Variants in TKTL1 observed in about 807,000 individuals in gnomAD.
TKTL1 encodes the protein transketolase like 1, also known as transketolase-like protein 1.
Under a neutral mutation model 39.3 loss-of-function variants are expected in TKTL1, and 1 was observed. That is an observed-to-expected ratio of 0.03 (90% CI 0.01 to 0.12). The LOEUF (loss-of-function observed/expected upper bound fraction) is 0.12, where lower values mean the gene tolerates loss of function less well. TKTL1 is among the 10% of genes least tolerant of loss of function. TKTL1 has a pLI of 1.00. For missense variants in TKTL1, 575 were observed against 509.6 expected (o/e 1.13, Z -1.24); for synonymous variants, 262 against 193.8 (o/e 1.35, Z -2.92).
intron 1 of TKTL1, among the ~76,000 whole-genome samples, chrX:154,304,212 A>G (rs1385807513): frequency 9.0e-6 from 1 of 111,127 alleles, no homozygotes; most frequent in Non-Finnish European, 1.9e-5. Flanking sequence ...GAGCCAGGAA[A>G]GAGCTTAGTG....
Position 154,315,427 on chromosome X carries a change from A to AT in TKTL1, c.1029+91dup. On this transcript the variant is annotated intron_variant, in intron 7 of 12. Transcript: ENST00000369915. ...CCTGTGCTAGTTTTTCTTTCCATTT[A>AT]TGAAAGCAAAAGGACTGGAAAAAAA... 3.0e-6 allele frequency: 3 copies of AT among 987,658 alleles called. No homozygotes were observed. In the East Asian group the frequency reaches 9.4e-5, roughly 31 times the overall value. The allele number at this position is 987,658 out of a possible 1,213,427, so 81.4% of individuals were successfully genotyped here.
chrX:154,300,697 G>GTGTT (rs782774431), intron 1 of TKTL1, among the ~76,000 whole-genome samples: 2 of 110,372 alleles, frequency 1.8e-5, no homozygotes, highest in Non-Finnish European at 3.8e-5. Flanking sequence ...TTGTTTGTTT[G>GTGTT]TGTTTGTTTG....
rs782405084 is a variant in TKTL1 at position 154,325,436 on chromosome X, C to T, written c.1401+14C>T. 39 of 1,176,948 alleles carry T rather than the reference C, an allele frequency of 3.3e-5. No individual in the cohort carries two copies. The highest frequency in any genetic ancestry group is 3.7e-5 in the Non-Finnish European group (32 of 865,164). Reference sequence around the variant, plus strand: ...GGACAGGCCAAGGTAAGGGCTTACGCGCTCCTGCGTTATTCAGTATCATCT... The same window carrying T: ...GGACAGGCCAAGGTAAGGGCTTACGTGCTCCTGCGTTATTCAGTATCATCT... On this transcript the variant is annotated intron_variant, in intron 10 of 12. Transcript: ENST00000369915.
At chrX:154,325,264 C>T in intron 9 of TKTL1, 75 bp from the exon 10 acceptor site, 1 of 995,709 alleles carries the variant, frequency 1.0e-6, no homozygotes, top group Admixed American at 2.2e-5. Context: ...CACACCCCTC[C>T]TTCACTTCTT....
rs180757008 is a variant in TKTL1, at chrX:154,307,875, C to G, written c.253-1470C>G. Among the ~76,000 whole-genome samples, 551 of 111,928 alleles carry G rather than the reference C, an allele frequency of 4.9e-3. 3 individuals carry two copies. The highest frequency in any genetic ancestry group is 8.0e-3 in the Non-Finnish European group (423 of 53,125). The stretch of plus-strand genomic sequence containing the variant: ...GAGACTTGAGTTGAGTGGGGCAGTT[C>G]TGCTGGGCTGGAAATGCAGAACCAA... On this transcript the variant is annotated intron_variant, in intron 2 of 12. Coordinates refer to ENST00000369915, the MANE Select transcript of TKTL1 (RefSeq NM_012253.4).
At position 154,312,687 on chromosome X, in the gene TKTL1, C is replaced by T; in HGVS notation, c.778C>T (p.Pro260Ser). Residue 260 changes from proline to serine, a missense_variant, in exon 6 of 13, where the codon CCA becomes TCA. Transcript: ENST00000369915. ...GATACAGACCAGCAGGAATCTTGAC[C>T]CACAGCCCCCCATTGAGGACTCACC... ...SQIQTSRNLD[P>S]QPPIEDSPEV... is the part of the protein sequence containing the mutation. The T allele has an allele frequency of 8.3e-7, 1 of 1,211,153 alleles. No individual in the cohort carries two copies. The highest frequency in any genetic ancestry group is 1.1e-6 in the Non-Finnish European group (1 of 895,201).
chrX:154,317,877 G>GGGC (rs1245828728), intron 7 of TKTL1, among the ~76,000 whole-genome samples: 3 of 110,399 alleles, frequency 2.7e-5, no homozygotes, highest in Non-Finnish European at 5.7e-5. Context: ...GTGGACTGGA[G>GGGC]GGCACCATCA....
chrX:154,302,383 A>T (rs1308799214), intron 1 of TKTL1, among the ~76,000 whole-genome samples: 2 of 111,568 alleles, frequency 1.8e-5, no homozygotes, highest in Non-Finnish European at 3.8e-5. Context: ...TAAACAGCAG[A>T]TATTCGTCTC....
chrX:154,323,163 A>G, intron 8 of TKTL1, 44 bp from the exon 9 acceptor site: 2 of 1,196,286 alleles, frequency 1.7e-6, no homozygotes, highest in African/African-American at 1.7e-5. Flanking sequence ...GCAGGTTCCT[A>G]ATGGGGTTAT....
chrX:154,305,527 T>C, intron 2 of TKTL1, 106 bp downstream of exon 2: 1 of 980,951 alleles, frequency 1.0e-6, no homozygotes, highest in Admixed American at 2.7e-5. Context: ...GTTTATTATT[T>C]TGGTTCTTCT....
At chrX:154,327,724 G>T in intron 11 of TKTL1, 37 bp downstream of exon 11, 3 of 1,197,718 alleles carry the variant, frequency 2.5e-6, no homozygotes, top group South Asian at 3.5e-5. Flanking sequence ...AGTTCAAGCT[G>T]GGAAGAGGTA....
At chrX:154,312,500 C>T (rs1379316512) in intron 5 of TKTL1, 80 bp from the exon 6 acceptor site, 16 of 997,057 alleles carry the variant, frequency 1.6e-5, no homozygotes, top group African/African-American at 1.5e-4. Flanking sequence ...TCTTTTTCAT[C>T]GGGGTCTGTT....
At chrX:154,325,930 G>A (rs1331745441) in intron 10 of TKTL1, among the ~76,000 whole-genome samples, 1 of 112,141 alleles carries the variant, frequency 8.9e-6, no homozygotes, top group East Asian at 2.8e-4. Context: ...GCAGCAGTGA[G>A]CTATGATGGA....
At chrX:154,303,006 C>G (rs2067285465) in intron 1 of TKTL1, among the ~76,000 whole-genome samples, 1 of 110,213 alleles carries the variant, frequency 9.1e-6, no homozygotes, top group African/African-American at 3.3e-5. Context: ...TTCTGGATTT[C>G]TGTTTTGAGC....
intron 8 of TKTL1, among the ~76,000 whole-genome samples, chrX:154,321,236 TCTAA>T (rs1420456143): frequency 1.8e-5 from 2 of 108,822 alleles, no homozygotes; most frequent in Non-Finnish European, 3.8e-5. Context: ...GTGGTTGCAG[TCTAA>T]CTGAGGGTGA....
intron 6 of TKTL1, among the ~76,000 whole-genome samples, chrX:154,313,929 G>C (rs2067376957): frequency 9.7e-6 from 1 of 103,280 alleles, no homozygotes; most frequent in South Asian, 4.3e-4. Context: ...GCGAGACTCT[G>C]TCTCAAAAAA....
At chrX:154,329,448 C>G (rs782207084) in intron 12 of TKTL1, 68 bp from the exon 13 acceptor site, 8 of 1,104,461 alleles carry the variant, frequency 7.2e-6, no homozygotes, top group Non-Finnish European at 7.4e-6. Context: ...TCAAAGGCCT[C>G]TATGTGGTGA....
intron 2 of TKTL1, among the ~76,000 whole-genome samples, chrX:154,307,862 G>A (rs782820145): frequency 8.9e-6 from 1 of 112,140 alleles, no homozygotes; most frequent in African/African-American, 3.2e-5. Flanking sequence ...GACTTGAGTT[G>A]AGTGGGGCAG....
At chrX:154,316,654 C>A (rs1334802262) in intron 7 of TKTL1, among the ~76,000 whole-genome samples, 2 of 111,755 alleles carry the variant, frequency 1.8e-5, no homozygotes, top group Admixed American at 9.5e-5. Flanking sequence ...CCTCCTGACG[C>A]CAGTTGACTG....
Sources: gnomAD v4.1 joint callset for allele counts (sites outside exome capture counted in the v4.1 genomes callset) on GRCh38, gnomAD v4.1.1 for gene constraint, MANE v1.5 for transcripts, NCBI Gene and HGNC (gene_info 2026-07-23, HGNC 2026-07-21) for gene names.